The following SRP72 variants were observed in gnomAD, a reference collection of about 807,000 sequenced individuals.
The protein encoded by SRP72 is signal recognition particle 72.
A neutral mutation model predicts 96.3 loss-of-function variants in SRP72; 49 were observed. That is an observed-to-expected ratio of 0.51 (90% CI 0.40 to 0.65). The LOEUF is 0.65. Among genes scored for constraint, SRP72 ranks in the 30% least tolerant of loss-of-function variants. The pLI, the probability that SRP72 is intolerant of heterozygous loss-of-function variation, is 0.00. For synonymous variants in SRP72, 267 were observed against 275.2 expected, an observed-to-expected ratio of 0.97 and a Z score of 0.30; for missense variants, 736 against 793.3, an observed-to-expected ratio of 0.93 and a Z score of 0.87.
chr4:56,488,084 T>A, intron 12 of SRP72, 71 bp downstream of exon 12: 1 of 1,028,990 alleles, frequency 9.7e-7, no homozygotes, highest in East Asian at 2.5e-5. Context: ...TGTATTCACT[T>A]TATTTATATG....
At position 56,474,094 on chromosome 4, in the gene SRP72, A is replaced by G. The variant is rs1289524689; in HGVS notation, c.395A>G (p.Tyr132Cys). ...CGCTATGATGAATGCTTAGCAGTGT[A>G]TAGAGATCTCGTCCGAAACTCCCAA... ...LERYDECLAV[Y>C]RDLVRNSQDD... is the part of the protein sequence containing the mutation. The change falls in exon 4 of 19, where the codon TAT (tyrosine) becomes TGT (cysteine). Residue 132 changes from tyrosine to cysteine, a missense_variant. Physicochemically the swap from Tyr to Cys is radical, Grantham distance 194. Transcript: ENST00000642900. The G allele has an allele frequency of 2.5e-6, 4 of 1,614,110 alleles. No individual in the cohort carries two copies. The South Asian group carries it at 4.4e-5, about 18-fold the overall frequency.
chr4:56,475,401 A>ATATAT (rs372043494), intron 5 of SRP72, among the ~76,000 whole-genome samples: 12,411 of 93,224 alleles, frequency 0.13, 656 homozygotes, highest in East Asian at 0.39. Context: ...TTACAAAAAA[A>ATATAT]AAATATATAT....
At chr4:56,470,980 TTA>T (rs1719951297) in intron 2 of SRP72, among the ~76,000 whole-genome samples, 1 of 152,106 alleles carries the variant, frequency 6.6e-6, no homozygotes, top group African/African-American at 2.4e-5. Flanking sequence ...TTTTGTAATT[TTA>T]GTAGAGACAG....
At position 56,474,687 on chromosome 4, in the gene SRP72, G is replaced by A. The variant is rs114974085; in HGVS notation, c.610+296G>A. On this transcript the variant is annotated intron_variant, in intron 5 of 18. Coordinates refer to ENST00000642900, the MANE Select transcript of SRP72 (RefSeq NM_006947.4). Reference sequence around the variant, plus strand: ...GCCTCCCGAGTAGCTGGGATTATAGGTGCGCGTCACCACACCCAGCTAATT... The same window carrying A: ...GCCTCCCGAGTAGCTGGGATTATAGATGCGCGTCACCACACCCAGCTAATT... Among the ~76,000 whole-genome samples the A allele has an allele frequency of 0.011, 1,617 of 152,026 alleles. 30 individuals carry two copies. The highest frequency in any genetic ancestry group is 0.011 in the Non-Finnish European group (778 of 68,008).
intron 5 of SRP72, 151 bp from the exon 6 acceptor site, chr4:56,476,520 A>G: frequency 1.3e-6 from 1 of 742,222 alleles, no homozygotes; most frequent in Non-Finnish European, 2.3e-6. Flanking sequence ...TATATGTAGT[A>G]TATTTGATGC....
chr4:56,500,079 TTTA>T (rs879658653), intron 17 of SRP72, among the ~76,000 whole-genome samples: 19,766 of 152,030 alleles, frequency 0.13, 1,622 homozygotes, highest in East Asian at 0.27. Context: ...TGGATGAAGC[TTTA>T]AAACCATCAG....
At chr4:56,478,283 C>G (rs1720330935) in intron 6 of SRP72, 96 bp from the exon 7 acceptor site, 4 of 1,279,204 alleles carry the variant, frequency 3.1e-6, no homozygotes, top group Non-Finnish European at 4.2e-6. Flanking sequence ...AATTATGTGT[C>G]TTCAGGATTG....
At chr4:56,501,264 C>T (rs546691525) in intron 18 of SRP72, among the ~76,000 whole-genome samples, 1 of 151,844 alleles carries the variant, frequency 6.6e-6, no homozygotes, top group Non-Finnish European at 1.5e-5. Context: ...AAAAATTAGC[C>T]GGGTGTGGTA....
chr4:56,484,712 T>C lies in SRP72; in HGVS notation c.958-24T>C, dbSNP rs373060645. 6.8e-6 allele frequency: 11 copies of C among 1,611,764 alleles called. No individual in the cohort carries two copies. The Admixed American group carries it at 1.0e-4, about 15-fold the overall frequency. On this transcript the variant is annotated intron_variant, in intron 9 of 18. Transcript: ENST00000642900. ...AATTTCATTAACCAGTTTATTTTTC[T>C]TGTGGGGGTTGGATATCTTCTAGGC...
intron 3 of SRP72, 58 bp from the exon 4 acceptor site, chr4:56,473,996 T>C: frequency 6.5e-7 from 1 of 1,548,594 alleles, no homozygotes; most frequent in Non-Finnish European, 8.7e-7. Context: ...GTTTGCATGA[T>C]ATTAAAGACA....
chr4:56,472,453 C>T (rs975207662), intron 3 of SRP72, among the ~76,000 whole-genome samples: 2 of 150,342 alleles, frequency 1.3e-5, no homozygotes, highest in African/African-American at 4.9e-5. Context: ...TCAAGCGATT[C>T]TCCTGCCTCA....
chr4:56,493,508 C>T (rs1191478131), intron 16 of SRP72, among the ~76,000 whole-genome samples: 1 of 152,086 alleles, frequency 6.6e-6, no homozygotes, highest in Non-Finnish European at 1.5e-5. Context: ...TTTAACAATA[C>T]ACTATGTGAT....
chr4:56,467,860 C>T, intron 1 of SRP72, 116 bp downstream of exon 1: 3 of 1,032,960 alleles, frequency 2.9e-6, no homozygotes, highest in East Asian at 3.3e-5. Context: ...CCCCGAAACC[C>T]CCCCGTCTAT....
At position 56,495,387 on chromosome 4, in the gene SRP72, A is replaced by G. The variant is rs34419325; in HGVS notation, c.1671A>G (p.Lys557=). 0.069 allele frequency: 101,203 copies of G among 1,474,210 alleles called. 4,582 individuals are homozygous for G. The highest frequency in any genetic ancestry group is 0.22 in the East Asian group (9,457 of 42,472). The allele number at this position is 1,474,210 out of a possible 1,614,324, so 91.3% of individuals were successfully genotyped here. A position where few individuals can be genotyped will look rare whatever the true frequency, so the allele number is the denominator to read the frequency against. ...GQGDLKKKKK[K]KKGKLPKNYD... ...GAGATTTGAAAAAGAAGAAAAAGAA[A>G]AAGAAGGGTAAGGCATTAAAAAAGT... The change falls in exon 17 of 19, where the codon AAA becomes AAG. Residue 557 remains lysine (K), a synonymous_variant. Transcript: ENST00000642900.
chr4:56,468,634 C>T (rs146895773), intron 1 of SRP72, among the ~76,000 whole-genome samples: 38 of 152,006 alleles, frequency 2.5e-4, no homozygotes, highest in African/African-American at 8.9e-4. Flanking sequence ...ACATGCAAAG[C>T]TATCTAAGTA....
intron 17 of SRP72, among the ~76,000 whole-genome samples, chr4:56,498,867 A>G (rs929162817): frequency 6.6e-6 from 1 of 151,974 alleles, no homozygotes; most frequent in Non-Finnish European, 1.5e-5. Context: ...ATTCAATGCT[A>G]TCTCCATCAA....
At chr4:56,476,512 T>G in intron 5 of SRP72, 159 bp from the exon 6 acceptor site, 1 of 699,558 alleles carries the variant, frequency 1.4e-6, no homozygotes, top group African/African-American at 1.8e-5. Context: ...TGATAATATA[T>G]ATGTAGTATA....
intron 17 of SRP72, chr4:56,500,317 TAACA>T: frequency 2.3e-6 from 1 of 427,572 alleles, no homozygotes; most frequent in Non-Finnish European, 4.2e-6. Flanking sequence ...TATACCTATG[TAACA>T]AACCTGCACG....
At chr4:56,469,139 C>T (rs1719865496) in intron 1 of SRP72, among the ~76,000 whole-genome samples, 1 of 152,044 alleles carries the variant, frequency 6.6e-6, no homozygotes, top group Non-Finnish European at 1.5e-5. Flanking sequence ...TTGTCAGTAA[C>T]CTTATTAAAT....
Sources: gnomAD v4.1 joint callset for allele counts (sites outside exome capture counted in the v4.1 genomes callset) on GRCh38, gnomAD v4.1.1 for gene constraint, MANE v1.5 for transcripts, NCBI Gene and HGNC (gene_info 2026-07-23, HGNC 2026-07-21) for gene names.